DENND4A: variants seen among roughly 807,000 people sequenced by gnomAD.
DENND4A encodes the protein DENN domain containing 4A, also known as C-myc promoter-binding protein.
Under a neutral mutation model 199.3 loss-of-function variants are expected in DENND4A, and 70 were observed. That is an observed-to-expected ratio of 0.35 (90% CI 0.29 to 0.43). The LOEUF (loss-of-function observed/expected upper bound fraction) is 0.43. Ranked by LOEUF, DENND4A falls within the 20% of genes least tolerant of loss-of-function variation. The probability of loss-of-function intolerance (pLI) is 1.00; values close to 1 mark genes in which losing one functional copy is unlikely to be tolerated. For synonymous variants in DENND4A, 686 were observed against 766.9 expected (o/e 0.89, Z 1.74); for missense variants, 1,723 against 2,255.8 (o/e 0.76, Z 4.78).
In DENND4A at chr15:65,690,870, G is replaced by A; in HGVS notation, c.3724C>T (p.Pro1242Ser). ...TCAGCTAAATCACGCCTAGCAGATG[G>A]TGTTGAAATGCTTTTGCTATCATCT... is the stretch of plus-strand genomic sequence containing the variant. ...DEDDSKSISTPSARRDLAEEI... is the reference protein window; with the variant it reads ...DEDDSKSISTSSARRDLAEEI... The change falls in exon 23 of 33, where the codon CCA becomes TCA. Residue 1242 changes from proline (P) to serine (S), a missense_variant. By Grantham distance (74) the Pro-to-Ser change is moderately conservative (BLOSUM62 -1). Transcript: ENST00000443035. The A allele has an allele frequency of 6.2e-7, 1 of 1,611,596 alleles. No individual in the cohort carries two copies. Among genetic ancestry groups the A allele is most frequent in the Non-Finnish European group, 8.5e-7 (1 of 1,179,010 alleles).
At chr15:65,775,277 T>A (rs2077252659) in intron 1 of DENND4A, among the ~76,000 whole-genome samples, 1 of 151,518 alleles carries the variant, frequency 6.6e-6, no homozygotes, top group Non-Finnish European at 1.5e-5. Context: ...GCCCAGGAGG[T>A]CAAGGCTATA....
In DENND4A at chr15:65,756,270, G is replaced by T. The variant is rs1318182147; in HGVS notation, c.181C>A (p.Gln61Lys). 1.2e-6 allele frequency: 2 copies of T among 1,613,204 alleles called. No homozygotes were observed. Among genetic ancestry groups the T allele is most frequent in the South Asian group, 2.2e-5 (2 of 90,970 alleles). ...GTAACATCAATACAGATATAATCCT[G>T]TGGGACTTCCTCCCCAAGAGATTTG... is the stretch of plus-strand genomic sequence containing the variant. ...IIKSLGEEVP[Q>K]DYICIDVTPT... The change falls in exon 3 of 33, where the codon CAG (glutamine) becomes AAG (lysine). Residue 61 changes from glutamine (Q) to lysine (K), a missense_variant. Coordinates refer to ENST00000443035, the MANE Select transcript of DENND4A (RefSeq NM_001320835.1).
intron 2 of DENND4A, among the ~76,000 whole-genome samples, chr15:65,758,677 A>G (rs970449146): frequency 5.3e-5 from 8 of 152,248 alleles, no homozygotes; most frequent in East Asian, 1.9e-4. Context: ...CCACTATTAT[A>G]GGAAAAAAGT....
Position 65,717,813 on chromosome 15 carries a change from G to A in DENND4A, c.1772C>T (p.Thr591Ile). The A allele has an allele frequency of 6.2e-7, 1 of 1,606,428 alleles. No individual in the cohort carries two copies. Among genetic ancestry groups the A allele is most frequent in the Non-Finnish European group, 8.5e-7 (1 of 1,176,066 alleles). The change falls in exon 13 of 33, where the codon ACA becomes ATA. Residue 591 changes from threonine to isoleucine, a missense_variant. Physicochemically the swap from Thr to Ile is moderately conservative, Grantham distance 89. Around this residue, in one of 6 missense-constraint regions of DENND4A, gnomAD observed 725 missense variants for 952.9 expected, o/e 0.76. Transcript: ENST00000443035. ...LRPITQAPSE[T>I]ATDAASLFAL... is the part of the protein sequence containing the mutation. ...AAAGAGAGAGGCTGCATCTGTGGCT[G>A]TCTCAGATGGGGCTTGTGTTATTGG...
intron 22 of DENND4A, among the ~76,000 whole-genome samples, chr15:65,693,077 A>C (rs574702105): frequency 3.9e-5 from 6 of 152,298 alleles, no homozygotes; most frequent in Non-Finnish European, 5.9e-5. Flanking sequence ...CTTTTACAAA[A>C]AAGTTTGCCT....
chr15:65,757,158 A>T (rs1175301236), intron 2 of DENND4A, among the ~76,000 whole-genome samples: 5 of 151,914 alleles, frequency 3.3e-5, no homozygotes, highest in African/African-American at 1.2e-4. Flanking sequence ...TGAAGAAACC[A>T]AAAGTCAGAA....
At chr15:65,737,589 T>G in intron 7 of DENND4A, 118 bp downstream of exon 7, 1 of 1,066,106 alleles carries the variant, frequency 9.4e-7, no homozygotes, top group South Asian at 1.7e-5. Flanking sequence ...ATAAACCATT[T>G]TTTTCAAATA....
At position 65,671,458 on chromosome 15, in the gene DENND4A, C is replaced by T. The variant is rs568547796; in HGVS notation, c.4464+334G>A. On this transcript the variant is annotated intron_variant, in intron 25 of 32. Transcript: ENST00000443035. ...AGGCTAGAGTGCAGTGGCGTGATCT[C>T]GGCTCACTGCAATCTCTGCCTCCCA... is the stretch of plus-strand genomic sequence containing the variant. Among the ~76,000 whole-genome samples the T allele has an allele frequency of 3.9e-5, 6 of 152,232 alleles. No individual in the cohort carries two copies. The South Asian group carries it at 8.3e-4, about 21-fold the overall frequency.
chr15:65,732,504 T>C (rs1029418005), intron 8 of DENND4A, among the ~76,000 whole-genome samples: 1 of 152,166 alleles, frequency 6.6e-6, no homozygotes, highest in African/African-American at 2.4e-5. Context: ...AGTTCCTTTC[T>C]GTGTATTCAA....
intron 14 of DENND4A, among the ~76,000 whole-genome samples, chr15:65,709,719 A>AAAATATATATATATATAT (rs1218030026): frequency 1.9e-5 from 1 of 51,470 alleles, no homozygotes; most frequent in African/African-American, 1.0e-4. Flanking sequence ...AAAAAAAAAA[A>AAAATATATATATATATAT]ATATATATAT....
At chr15:65,781,761 C>G (rs2077441773) in intron 1 of DENND4A, among the ~76,000 whole-genome samples, 1 of 152,000 alleles carries the variant, frequency 6.6e-6, no homozygotes, top group Non-Finnish European at 1.5e-5. Flanking sequence ...GAAAAAATGG[C>G]CTGGGGAGTA....
At chr15:65,702,034 A>T in intron 17 of DENND4A, 144 bp from the exon 18 acceptor site, 1 of 1,184,710 alleles carries the variant, frequency 8.4e-7, no homozygotes, top group South Asian at 1.4e-5. Context: ...AGGGCAAGGC[A>T]GGTGAAGCTC....
At chr15:65,735,215 CA>C (rs958640966) in intron 7 of DENND4A, among the ~76,000 whole-genome samples, 20 of 151,580 alleles carry the variant, frequency 1.3e-4, no homozygotes, top group Non-Finnish European at 4.4e-5. Context: ...CTGTCTCTAC[CA>C]AAAATACAAA....
intron 32 of DENND4A, 115 bp from the exon 33 acceptor site, chr15:65,662,102 T>G: frequency 2.4e-6 from 2 of 819,658 alleles, no homozygotes; most frequent in Non-Finnish European, 1.9e-6. Context: ...AAGGAATTGC[T>G]AGGACATTTC....
intron 23 of DENND4A, among the ~76,000 whole-genome samples, chr15:65,682,870 G>C (rs372859645): frequency 6.6e-6 from 1 of 152,172 alleles, no homozygotes; most frequent in Non-Finnish European, 1.5e-5. Flanking sequence ...AGAGTCAGGA[G>C]AATGGCCATT....
At chr15:65,728,814 C>G (rs2075883161) in intron 11 of DENND4A, 1 of 436,922 alleles carries the variant, frequency 2.3e-6, no homozygotes, top group Admixed American at 3.5e-5. Flanking sequence ...TCTAAGCAAG[C>G]CTAACATTAA....
chr15:65,788,312 C>T (rs977748139), intron 1 of DENND4A, among the ~76,000 whole-genome samples: 11 of 151,974 alleles, frequency 7.2e-5, no homozygotes, highest in Non-Finnish European at 1.3e-4. Flanking sequence ...CCTGACCTTG[C>T]GATCCGCCCA....
chr15:65,687,445 C>G (rs2076827973), intron 23 of DENND4A, among the ~76,000 whole-genome samples: 1 of 151,356 alleles, frequency 6.6e-6, no homozygotes, highest in African/African-American at 2.4e-5. Context: ...TTCTAATAAC[C>G]AGCTATTTAC....
At chr15:65,696,023 T>G (rs1023345766) in intron 22 of DENND4A, among the ~76,000 whole-genome samples, 1 of 152,106 alleles carries the variant, frequency 6.6e-6, no homozygotes, top group Non-Finnish European at 1.5e-5. Flanking sequence ...ATATGAAAAC[T>G]AATAAGCCAT....
Sources: gnomAD v4.1 joint callset for allele counts (sites outside exome capture counted in the v4.1 genomes callset) on GRCh38, gnomAD v4.1.1 for gene constraint, gnomAD v4.1.1 regional missense constraint, MANE v1.5 for transcripts, NCBI Gene and HGNC (gene_info 2026-07-23, HGNC 2026-07-21) for gene names.